Variants in EFR3A observed in about 807,000 individuals in gnomAD.
EFR3A encodes protein EFR3 homolog A.
In EFR3A, 76 loss-of-function variants were observed where a neutral mutation model predicts 104.4. The observed-to-expected ratio is 0.73, with a 90% CI of 0.60 to 0.88. EFR3A has a LOEUF of 0.88. Ranked by LOEUF, EFR3A falls within the 40% of genes least tolerant of loss-of-function variation. EFR3A has a pLI of 0.00. For missense variants in EFR3A, 985 were observed against 1,012.5 expected (o/e 0.97, Z 0.37); for synonymous variants, 330 against 330.0 (o/e 1.00, Z 0.00).
Position 131,968,397 on chromosome 8 carries a change from G to A in EFR3A, c.958G>A (p.Glu320Lys), listed in dbSNP as rs1367356341. Residue 320 changes from glutamate to lysine, a missense_variant, in exon 9 of 23, where the codon GAG becomes AAG. Coordinates refer to ENST00000254624, the MANE Select transcript of EFR3A (RefSeq NM_015137.6). ...AGCAGGTATTATTCAGGTTCTGTTAGAGGCTGTTGCCATTGCTGCTAAAGG... is the reference window on the plus strand; with the variant it reads ...AGCAGGTATTATTCAGGTTCTGTTAAAGGCTGTTGCCATTGCTGCTAAAGG... Reference protein sequence around the residue: ...VRAGIIQVLLEAVAIAAKGSI... With the variant: ...VRAGIIQVLLKAVAIAAKGSI... 3.7e-6 allele frequency: 6 copies of A among 1,613,626 alleles called. No individual in the cohort carries two copies. The highest frequency in any genetic ancestry group is 5.1e-6 in the Non-Finnish European group (6 of 1,179,636).
At chr8:132,003,545 C>T (rs1273495320) in intron 22 of EFR3A, among the ~76,000 whole-genome samples, 1 of 151,994 alleles carries the variant, frequency 6.6e-6, no homozygotes, top group Non-Finnish European at 1.5e-5. Context: ...TCCTGATGAT[C>T]TCTTAAGTAC....
intron 19 of EFR3A, among the ~76,000 whole-genome samples, chr8:131,997,457 C>T (rs1431011052): frequency 1.3e-5 from 2 of 151,986 alleles, no homozygotes; most frequent in African/African-American, 2.4e-5. Flanking sequence ...TTTTCTATGC[C>T]ATTCAACTTC....
At chr8:131,916,735 A>C (rs1816760282) in intron 1 of EFR3A, among the ~76,000 whole-genome samples, 1 of 152,250 alleles carries the variant, frequency 6.6e-6, no homozygotes, top group Admixed American at 6.5e-5. Context: ...CAAGACTCAA[A>C]TGACTCACAC....
In EFR3A at chr8:131,977,049, G is replaced by A; in HGVS notation, c.1283G>A (p.Gly428Glu). The A allele has an allele frequency of 6.3e-7, 1 of 1,598,730 alleles. No homozygotes were observed. The highest frequency in any genetic ancestry group is 8.5e-7 in the Non-Finnish European group (1 of 1,171,718). The change falls in exon 12 of 23, where the codon GGA becomes GAA. Residue 428 changes from glycine to glutamate, a missense_variant. Coordinates refer to ENST00000254624, the MANE Select transcript of EFR3A (RefSeq NM_015137.6). ...TLDISQLGDL[G>E]TRRIQIMLLR... ...CCTTTTGTATATTTTAGGGATTTGG[G>A]AACCAGGAGAATTCAGATAATGTTG...
chr8:132,008,383 C>A (rs944059902), intron 22 of EFR3A, among the ~76,000 whole-genome samples: 1 of 151,916 alleles, frequency 6.6e-6, no homozygotes, highest in Non-Finnish European at 1.5e-5. Flanking sequence ...AATATATTCA[C>A]AGAAAGATAT....
chr8:131,937,095 A>G (rs1348892815), intron 1 of EFR3A, among the ~76,000 whole-genome samples: 1 of 152,154 alleles, frequency 6.6e-6, no homozygotes, highest in East Asian at 1.9e-4. Flanking sequence ...ACTTATTAGT[A>G]TACACAATGA....
At chr8:131,922,944 G>A (rs1795595852) in intron 1 of EFR3A, among the ~76,000 whole-genome samples, 1 of 152,112 alleles carries the variant, frequency 6.6e-6, no homozygotes, top group African/African-American at 2.4e-5. Flanking sequence ...TAATTGGAAT[G>A]CATATTGACT....
rs79971262 is a variant in EFR3A at position 131,986,930 on chromosome 8, C to T, written c.1938-645C>T. ...AGAGAGTACAGTATCCTGTTGAAGA[C>T]GTTCAGTAATAGGTAACAATACTCA... is the stretch of plus-strand genomic sequence containing the variant. On this transcript the variant is annotated intron_variant, in intron 17 of 22. Transcript: ENST00000254624. Among the ~76,000 whole-genome samples, 726 of 151,724 alleles carry T rather than the reference C, an allele frequency of 4.8e-3. 2 individuals carry two copies. Among genetic ancestry groups the T allele is most frequent in the African/African-American group, 0.014 (590 of 41,372 alleles).
rs1820754943 is a variant in EFR3A at position 131,984,146 on chromosome 8, A to G, written c.1583A>G (p.Gln528Arg). 2 of 1,602,050 alleles carry G rather than the reference A, an allele frequency of 1.2e-6. No homozygotes were observed. The highest frequency in any genetic ancestry group is 1.1e-5 in the South Asian group (1 of 87,836). Reference sequence around the variant, plus strand: ...TCTGTCTTTTCTCCTCAGAATGGGCAACAGCTGTATCGGCACATATATTTG... The same window carrying G: ...TCTGTCTTTTCTCCTCAGAATGGGCGACAGCTGTATCGGCACATATATTTG... ...QDTSFMKKNG[Q>R]QLYRHIYLGC... Residue 528 changes from glutamine to arginine, a missense_variant, in exon 15 of 23, where the codon CAA becomes CGA. Physicochemically the swap from Gln to Arg is conservative, Grantham distance 43. Transcript: ENST00000254624.
intron 10 of EFR3A, among the ~76,000 whole-genome samples, chr8:131,972,659 C>T (rs1282236183): frequency 1.3e-5 from 2 of 152,008 alleles, no homozygotes; most frequent in Non-Finnish European, 2.9e-5. Context: ...TTTAATATAA[C>T]TAACTGGTTG....
chr8:131,993,291 CATCCACATTCTGGA>C (rs1821297604), intron 18 of EFR3A, among the ~76,000 whole-genome samples: 1 of 152,142 alleles, frequency 6.6e-6, no homozygotes, highest in Non-Finnish European at 1.5e-5. Flanking sequence ...AACTATACAT[CATCCACATTCTGGA>C]ATCCAAGCTA....
intron 8 of EFR3A, among the ~76,000 whole-genome samples, chr8:131,962,806 C>A (rs1318871417): frequency 1.3e-5 from 2 of 152,128 alleles, no homozygotes; most frequent in Admixed American, 6.5e-5. Context: ...CAAAATTGAC[C>A]ACATAGTTGG....
intron 1 of EFR3A, among the ~76,000 whole-genome samples, chr8:131,930,159 T>A (rs1817516100): frequency 6.6e-6 from 1 of 152,154 alleles, no homozygotes; most frequent in South Asian, 2.1e-4. Context: ...TAAGAGTTTG[T>A]TTATTCATTC....
At chr8:131,973,882 A>G (rs1282221351) in intron 10 of EFR3A, among the ~76,000 whole-genome samples, 1 of 151,058 alleles carries the variant, frequency 6.6e-6, no homozygotes, top group Non-Finnish European at 1.5e-5. Flanking sequence ...CATGTTGAAG[A>G]CTCCTACCCA....
At position 131,979,093 on chromosome 8, in the gene EFR3A, A is replaced by AT. The variant is rs1820470036; in HGVS notation, c.1499+79dup. The AT allele has an allele frequency of 5.5e-5, 77 of 1,395,022 alleles. No individual in the cohort carries two copies. The South Asian group carries it at 1.1e-3, about 20-fold the overall frequency. The allele number at this position is 1,395,022 out of a possible 1,614,324, so 86.4% of individuals were successfully genotyped here. On this transcript the variant is annotated intron_variant, in intron 13 of 22. Coordinates refer to ENST00000254624, the MANE Select transcript of EFR3A (RefSeq NM_015137.6). ...TAAATTAGTGTATTTAAGTATTGTG[A>AT]TTTTTAAAAATCTAGCATGTTCAGG...
chr8:131,971,129 A>G (rs940026883), intron 10 of EFR3A, among the ~76,000 whole-genome samples: 1 of 152,238 alleles, frequency 6.6e-6, no homozygotes, highest in African/African-American at 2.4e-5. Context: ...TAAAATTGTC[A>G]ACATCACTAA....
At chr8:131,995,853 G>T (rs1291931997) in intron 18 of EFR3A, among the ~76,000 whole-genome samples, 1 of 152,132 alleles carries the variant, frequency 6.6e-6, no homozygotes, top group Non-Finnish European at 1.5e-5. Flanking sequence ...AGCTGATGGA[G>T]ATGACTGAAT....
At chr8:132,008,454 A>G (rs1001761851) in intron 22 of EFR3A, among the ~76,000 whole-genome samples, 1 of 152,070 alleles carries the variant, frequency 6.6e-6, no homozygotes, top group African/African-American at 2.4e-5. Flanking sequence ...ACGAGAACAG[A>G]CAAATGGTGA....
chr8:131,987,829 A>G (rs918946972), intron 18 of EFR3A, 127 bp downstream of exon 18: 2 of 999,204 alleles, frequency 2.0e-6, no homozygotes, highest in African/African-American at 1.7e-5. Context: ...CCATTTTCAA[A>G]TGCTTAAGAG....
Sources: gnomAD v4.1 joint callset for allele counts (sites outside exome capture counted in the v4.1 genomes callset) on GRCh38, gnomAD v4.1.1 for gene constraint, MANE v1.5 for transcripts, NCBI Gene and HGNC (gene_info 2026-07-23, HGNC 2026-07-21) for gene names.